Variants in ROBO1 observed in about 807,000 individuals in gnomAD.
ROBO1 encodes the protein roundabout homolog 1.
In ROBO1, 149 loss-of-function variants were observed where a neutral mutation model predicts 195.9. The ratio of observed to expected loss-of-function variants is 0.76; its 90% CI spans 0.67 to 0.87. The LOEUF (loss-of-function observed/expected upper bound fraction) is 0.87. Ranked by LOEUF, ROBO1 falls within the 40% of genes least tolerant of loss-of-function variation. The pLI, the probability that ROBO1 is intolerant of heterozygous loss-of-function variation, is 0.00. For synonymous variants in ROBO1, 816 were observed against 733.2 expected (o/e 1.11, Z -1.82); for missense variants, 1,933 against 2,068.3 (o/e 0.93, Z 1.27).
chr3:78,632,218 T>G (rs1705227513), intron 24 of ROBO1, among the ~76,000 whole-genome samples: 1 of 152,176 alleles, frequency 6.6e-6, no homozygotes, highest in South Asian at 2.1e-4. Context: ...CCCTATCCAA[T>G]CCTTCTCCAA....
intron 1 of ROBO1, among the ~76,000 whole-genome samples, chr3:79,693,959 T>C (rs1378448473): frequency 6.6e-6 from 1 of 151,660 alleles, no homozygotes; most frequent in African/African-American, 2.4e-5. Context: ...CTTTTCCAAG[T>C]CTAAGTTTTG....
At chr3:79,244,766 G>A (rs1414407667) in intron 2 of ROBO1, among the ~76,000 whole-genome samples, 1 of 151,960 alleles carries the variant, frequency 6.6e-6, no homozygotes, top group Non-Finnish European at 1.5e-5. Context: ...TTCTGTATTT[G>A]AATAAAATAT....
chr3:79,693,381 ATTTGTGTG>A (rs954499438), intron 1 of ROBO1, among the ~76,000 whole-genome samples: 2 of 110,614 alleles, frequency 1.8e-5, no homozygotes, highest in African/African-American at 3.7e-5. Flanking sequence ...ATATATAGAG[ATTTGTGTG>A]TGTGTGTGTG....
intron 3 of ROBO1, among the ~76,000 whole-genome samples, chr3:79,025,013 G>C (rs1412724038): frequency 6.6e-6 from 1 of 152,130 alleles, no homozygotes; most frequent in Non-Finnish European, 1.5e-5. Flanking sequence ...GAGATCCCAT[G>C]TCTTTCCAGA....
At chr3:79,715,013 T>TA (rs1702428018) in intron 1 of ROBO1, among the ~76,000 whole-genome samples, 1 of 151,898 alleles carries the variant, frequency 6.6e-6, no homozygotes, top group Non-Finnish European at 1.5e-5. Flanking sequence ...ATAAAATTTT[T>TA]TAAAAAAGTG....
rs935081359 is a variant in ROBO1, at chr3:78,689,060, A to G, written c.1046-288T>C. Among the ~76,000 whole-genome samples the G allele has an allele frequency of 2.0e-5, 3 of 152,180 alleles. 1 individual carries two copies. The highest frequency in any genetic ancestry group is 6.3e-3 in the Middle Eastern group (2 of 316). On this transcript the variant is annotated intron_variant, in intron 8 of 30. Coordinates refer to ENST00000464233, the MANE Select transcript of ROBO1 (RefSeq NM_002941.4). ...CAATTGGACCCTACACATTGTAAAT[A>G]TACCTGAATTTTTTATGAACAAATA...
chr3:79,637,948 G>A (rs1945545088), intron 1 of ROBO1, among the ~76,000 whole-genome samples: 1 of 152,116 alleles, frequency 6.6e-6, no homozygotes, highest in African/African-American at 2.4e-5. Flanking sequence ...TTAGTATAAA[G>A]TGAATGTTGA....
At chr3:79,409,204 T>C (rs2037671457) in intron 2 of ROBO1, among the ~76,000 whole-genome samples, 1 of 152,074 alleles carries the variant, frequency 6.6e-6, no homozygotes, top group South Asian at 2.1e-4. Flanking sequence ...GAAGTGGAAG[T>C]TTGTCTTTAA....
rs1308269943 is a variant in ROBO1, at chr3:79,582,459, A to G, written c.88+7365T>C. ...TGTAATTTGGTTTTTAATAGTTTTC[A>G]TTCACAGAGAAGGAAAACAAAAGAG... On this transcript the variant is annotated intron_variant, in intron 2 of 30. Transcript: ENST00000464233. Among the ~76,000 whole-genome samples the G allele has an allele frequency of 2.0e-5, 3 of 151,932 alleles. No individual in the cohort carries two copies. In the East Asian group the frequency reaches 5.8e-4, roughly 29 times the overall value.
At chr3:78,803,466 A>G (rs2084430778) in intron 4 of ROBO1, among the ~76,000 whole-genome samples, 1 of 152,132 alleles carries the variant, frequency 6.6e-6, no homozygotes, top group African/African-American at 2.4e-5. Context: ...TTTTTTAAAA[A>G]TTCGAGGCAT....
At chr3:79,267,464 C>T (rs1349320586) in intron 2 of ROBO1, among the ~76,000 whole-genome samples, 1 of 151,290 alleles carries the variant, frequency 6.6e-6, no homozygotes, top group Non-Finnish European at 1.5e-5. Context: ...TTACTCCCTC[C>T]ATTAGTCTAT....
intron 2 of ROBO1, among the ~76,000 whole-genome samples, chr3:79,502,831 A>G (rs1018415938): frequency 6.6e-6 from 1 of 152,098 alleles, no homozygotes; most frequent in Non-Finnish European, 1.5e-5. Flanking sequence ...ACCAGTCAGC[A>G]GTCTGTATCT....
At chr3:79,742,568 CT>C (rs1484913813) in intron 1 of ROBO1, among the ~76,000 whole-genome samples, 1 of 152,148 alleles carries the variant, frequency 6.6e-6, no homozygotes, top group Non-Finnish European at 1.5e-5. Flanking sequence ...TCCCCTTCAC[CT>C]TCTGCCATGA....
At chr3:78,643,269 TGAGC>T (rs1706078561) in intron 21 of ROBO1, among the ~76,000 whole-genome samples, 1 of 152,178 alleles carries the variant, frequency 6.6e-6, no homozygotes, top group Non-Finnish European at 1.5e-5. Flanking sequence ...TGTAAACAAA[TGAGC>T]CTAGCTGTAT....
intron 1 of ROBO1, among the ~76,000 whole-genome samples, chr3:79,655,593 G>A (rs1044450422): frequency 2.0e-5 from 3 of 151,938 alleles, no homozygotes; most frequent in Admixed American, 2.0e-4. Flanking sequence ...ACAATGACTA[G>A]CTTCAACAAA....
Position 79,711,435 on chromosome 3 carries a change from T to C in ROBO1, c.-51+56317A>G, listed in dbSNP as rs1235218025. ...AAGAATAAATATAGCTCAGAAATCATTATTTAAATTGCATTTAATTTTTTG... is the reference window on the plus strand; with the variant it reads ...AAGAATAAATATAGCTCAGAAATCACTATTTAAATTGCATTTAATTTTTTG... On this transcript the variant is annotated intron_variant, in intron 1 of 30. Coordinates refer to ENST00000464233, the MANE Select transcript of ROBO1 (RefSeq NM_002941.4). Among the ~76,000 whole-genome samples, 6 of 152,200 alleles carry C rather than the reference T, an allele frequency of 3.9e-5. No homozygotes were observed. In the East Asian group the frequency reaches 1.2e-3, roughly 29 times the overall value.
intron 1 of ROBO1, among the ~76,000 whole-genome samples, chr3:79,610,164 C>T (rs1944612769): frequency 1.3e-5 from 2 of 151,824 alleles, no homozygotes; most frequent in Admixed American, 6.6e-5. Flanking sequence ...TCTCTTTATC[C>T]GTGGGGGATA....
chr3:79,294,820 A>G (rs1291007416), intron 2 of ROBO1, among the ~76,000 whole-genome samples: 8 of 152,188 alleles, frequency 5.3e-5, no homozygotes, highest in African/African-American at 1.7e-4. Context: ...AAAAGAAAAC[A>G]TTTATGCGGC....
At chr3:79,088,450 CA>C (rs1251330078) in intron 3 of ROBO1, among the ~76,000 whole-genome samples, 1 of 152,016 alleles carries the variant, frequency 6.6e-6, no homozygotes, top group Non-Finnish European at 1.5e-5. Context: ...CCAAAATATA[CA>C]AAGTCTTAAC....
Sources: gnomAD v4.1 joint callset for allele counts (sites outside exome capture counted in the v4.1 genomes callset) on GRCh38, gnomAD v4.1.1 for gene constraint, MANE v1.5 for transcripts, NCBI Gene and HGNC (gene_info 2026-07-23, HGNC 2026-07-21) for gene names.